Variants in FAT4 observed in about 807,000 individuals in gnomAD.
FAT4 encodes protocadherin Fat 4.
A neutral mutation model predicts 303.9 loss-of-function variants in FAT4; 84 were observed. The ratio of observed to expected loss-of-function variants is 0.28; its 90% CI spans 0.23 to 0.33. FAT4 has a LOEUF of 0.33. Among genes scored for constraint, FAT4 ranks in the 10% least tolerant of loss-of-function variants. The probability of loss-of-function intolerance (pLI) is 1.00; values close to 1 mark genes in which losing one functional copy is unlikely to be tolerated. For missense variants in FAT4, 6,005 were observed against 6,146.8 expected (o/e 0.98, Z 0.77); for synonymous variants, 2,307 against 2,298.8 (o/e 1.00, Z -0.10).
intron 11 of FAT4, among the ~76,000 whole-genome samples, chr4:125,466,616 T>TAGA (rs1560625761): frequency 3.3e-5 from 5 of 149,604 alleles, no homozygotes; most frequent in Non-Finnish European, 7.4e-5. Flanking sequence ...ACAGGATAGA[T>TAGA]ATAAGTATAT....
chr4:125,463,358 A>C (rs1726546799), intron 10 of FAT4, among the ~76,000 whole-genome samples: 1 of 152,080 alleles, frequency 6.6e-6, no homozygotes, highest in Admixed American at 6.6e-5. Flanking sequence ...CCTAAGTATT[A>C]TAATGCACAT....
At chr4:125,465,967 A>G (rs1027648397) in intron 11 of FAT4, among the ~76,000 whole-genome samples, 1 of 152,214 alleles carries the variant, frequency 6.6e-6, no homozygotes, top group Non-Finnish European at 1.5e-5. Context: ...GTCAGATGGC[A>G]TGCCTCAAAT....
Position 125,468,536 on chromosome 4 carries a change from T to C in FAT4, c.11930T>C (p.Leu3977Ser). Residue 3977 changes from leucine (L) to serine (S), a missense_variant, in exon 12 of 18, where the codon TTG becomes TCG. Transcript: ENST00000394329. ...GGTGTCTTTGGAAAACACTGCGAGT[T>C]GAACAGTTATGGATTTGAGGAGTTA... ...PFGVFGKHCE[L>S]NSYGFEELSY... 6.3e-7 allele frequency: 1 copy of C among 1,587,144 alleles called. No individual in the cohort carries two copies. The highest frequency in any genetic ancestry group is 8.6e-7 in the Non-Finnish European group (1 of 1,161,996).
chr4:125,317,551 C>A lies in FAT4; in HGVS notation c.1140C>A (p.Leu380=). 1 of 1,613,938 alleles carries A rather than the reference C, an allele frequency of 6.2e-7. No individual in the cohort carries two copies. Among genetic ancestry groups the A allele is most frequent in the Non-Finnish European group, 8.5e-7 (1 of 1,180,010 alleles). ...AAGTGGGCACCGTGGTGGCTCTGCT[C>A]ACCGTGACGGACGCAGATTCTCCCG... ...NAQVGTVVAL[L]TVTDADSPAA... The change falls in exon 2 of 18, where the codon CTC becomes CTA. Residue 380 remains leucine, a synonymous_variant. Coordinates refer to ENST00000394329, the MANE Select transcript of FAT4 (RefSeq NM_001291303.3). This position sits in a 1 kb window ranked among gnomAD's most constrained non-coding sequence, Gnocchi z 7.0.
intron 2 of FAT4, among the ~76,000 whole-genome samples, chr4:125,372,793 G>T (rs2125992807): frequency 6.6e-6 from 1 of 152,208 alleles, no homozygotes; most frequent in South Asian, 2.1e-4. Context: ...CAGTGAGAAA[G>T]AAAATATGAT....
At chr4:125,390,948 TGCAAA>T (rs1733953212) in intron 2 of FAT4, among the ~76,000 whole-genome samples, 1 of 152,158 alleles carries the variant, frequency 6.6e-6, no homozygotes, top group African/African-American at 2.4e-5. Context: ...ATCAGAGAGA[TGCAAA>T]TCAAAACCAC....
intron 3 of FAT4, among the ~76,000 whole-genome samples, chr4:125,404,058 G>A (rs775008904): frequency 7.2e-5 from 11 of 152,202 alleles, no homozygotes; most frequent in Non-Finnish European, 1.2e-4. Flanking sequence ...TCAAGGTGGC[G>A]TTTAGCAGCT....
chr4:125,414,721 T>A (rs1287145541), intron 5 of FAT4, among the ~76,000 whole-genome samples, 163 bp from the exon 6 acceptor site: 1 of 152,172 alleles, frequency 6.6e-6, no homozygotes, highest in African/African-American at 2.4e-5. Flanking sequence ...AACACCCTAG[T>A]AAATAGCAAG....
At chr4:125,410,729 AAAAAG>A (rs759541760) in intron 5 of FAT4, among the ~76,000 whole-genome samples, 2 of 152,168 alleles carry the variant, frequency 1.3e-5, no homozygotes, top group East Asian at 1.9e-4. Flanking sequence ...AATTAAAAAG[AAAAAG>A]AAAAGAATTT....
intron 2 of FAT4, among the ~76,000 whole-genome samples, chr4:125,380,326 C>A (rs1057145674): frequency 6.6e-6 from 1 of 152,140 alleles, no homozygotes; most frequent in African/African-American, 2.4e-5. Flanking sequence ...AAGGGTAAGT[C>A]ACTTTTGTCA....
In FAT4 at chr4:125,451,893, A is replaced by G; in HGVS notation, c.10883A>G (p.Asn3628Ser). The change falls in exon 10 of 18, where the codon AAC becomes AGC. Residue 3628 changes from asparagine (N) to serine (S), a missense_variant. Asn to Ser is a conservative substitution (Grantham distance 46). Transcript: ENST00000394329. ...GAGATATTTGTTAATTATTATGGTA[A>G]CTTGTTTCCCGGTGGGATTTTAGGC... ...TVEIFVNYYG[N>S]LFPGGILGSV... 1 of 1,614,052 alleles carries G rather than the reference A, an allele frequency of 6.2e-7. No homozygotes were observed. Among genetic ancestry groups the G allele is most frequent in the Non-Finnish European group, 8.5e-7 (1 of 1,179,998 alleles).
chr4:125,483,822 C>T lies in FAT4; in HGVS notation c.12822+2084C>T, dbSNP rs191709447. ...ACCAAAAGAAAGTGGCTGTTGTAAGCAGGCAAATTATTTGGATGATAGGAG... is the reference window on the plus strand; with the variant it reads ...ACCAAAAGAAAGTGGCTGTTGTAAGTAGGCAAATTATTTGGATGATAGGAG... On this transcript the variant is annotated intron_variant, in intron 16 of 17. Transcript: ENST00000394329. Among the ~76,000 whole-genome samples the T allele has an allele frequency of 4.0e-4, 60 of 151,668 alleles. No individual in the cohort carries two copies. In the East Asian group the frequency reaches 0.01, roughly 26 times the overall value.
intron 2 of FAT4, among the ~76,000 whole-genome samples, chr4:125,367,313 A>T (rs1377172034): frequency 6.6e-6 from 1 of 152,138 alleles, no homozygotes; most frequent in Non-Finnish European, 1.5e-5. Context: ...ACATATATTA[A>T]ATCATTTAAT....
In FAT4 at chr4:125,416,594, T is replaced by A; in HGVS notation, c.6990T>A (p.Phe2330Leu). The A allele has an allele frequency of 6.2e-7, 1 of 1,613,902 alleles. No individual in the cohort carries two copies. The change falls in exon 7 of 18, where the codon TTT becomes TTA. Residue 2330 changes from phenylalanine to leucine, a missense_variant. Physicochemically the swap from Phe to Leu is conservative, Grantham distance 22. Transcript: ENST00000394329. ...TGGATCGGGAAACAAAAGAGCGCTT[T>A]GTCTTAATGATTACAGCTACAGATT... ...QSLDRETKER[F>L]VLMITATDSG... is the part of the protein sequence containing the mutation.
At chr4:125,479,990 A>G (rs1727167543) in intron 15 of FAT4, 125 bp downstream of exon 15, 3 of 701,534 alleles carry the variant, frequency 4.3e-6, no homozygotes, top group South Asian at 6.4e-5. Flanking sequence ...TATTAAATGG[A>G]CAATAATTGG....
Position 125,448,839 on chromosome 4 carries a change from T to G in FAT4, c.7829T>G (p.Leu2610Arg), listed in dbSNP as rs1302542405. The G allele has an allele frequency of 6.2e-7, 1 of 1,608,442 alleles. No individual in the cohort carries two copies. Among genetic ancestry groups the G allele is most frequent in the Non-Finnish European group, 8.5e-7 (1 of 1,179,572 alleles). The change falls in exon 10 of 18, where the codon CTT becomes CGT. Residue 2610 changes from leucine to arginine, a missense_variant. By Grantham distance (102) the Leu-to-Arg change is moderately radical (BLOSUM62 -2). Coordinates refer to ENST00000394329, the MANE Select transcript of FAT4 (RefSeq NM_001291303.3). Reference protein sequence around the residue: ...PMSYYIASGNLGNTFQIDQLT... With the variant: ...PMSYYIASGNRGNTFQIDQLT... ...TCATATTATATCGCAAGTGGGAATC[T>G]TGGCAATACTTTCCAGATTGATCAG...
At chr4:125,429,648 T>A (rs1418195527) in intron 7 of FAT4, among the ~76,000 whole-genome samples, 1 of 152,168 alleles carries the variant, frequency 6.6e-6, no homozygotes, top group African/African-American at 2.4e-5. Flanking sequence ...AAAATATGTA[T>A]AGATCTGGTA....
intron 2 of FAT4, among the ~76,000 whole-genome samples, chr4:125,372,344 A>G (rs1216499936): frequency 6.7e-6 from 1 of 150,180 alleles, no homozygotes; most frequent in African/African-American, 2.5e-5. Flanking sequence ...CCTGGATGGC[A>G]TAGAGTGAGA....
chr4:125,319,249 T>G lies in FAT4; in HGVS notation c.2838T>G (p.Asn946Lys), dbSNP rs1234630858. 6.2e-7 allele frequency: 1 copy of G among 1,614,168 alleles called. No homozygotes were observed. Among genetic ancestry groups the G allele is most frequent in the Non-Finnish European group, 8.5e-7 (1 of 1,180,022 alleles). ...ACCTGTTTGCTATCAATGAAAAGAATGGCACTATTAGTCTGCTTGGGCCCC... is the reference window on the plus strand; with the variant it reads ...ACCTGTTTGCTATCAATGAAAAGAAGGGCACTATTAGTCTGCTTGGGCCCC... ...PKNLFAINEK[N>K]GTISLLGPLD... Residue 946 changes from asparagine to lysine, a missense_variant, in exon 2 of 18, where the codon AAT becomes AAG. By Grantham distance (94) the Asn-to-Lys change is moderately conservative. Coordinates refer to ENST00000394329, the MANE Select transcript of FAT4 (RefSeq NM_001291303.3).
Sources: allele counts gnomAD v4.1 joint callset (sites outside exome capture counted in the v4.1 genomes callset), GRCh38; gene constraint gnomAD v4.1.1; non-coding constraint Gnocchi (gnomAD v3.1); transcripts MANE v1.5; gene names NCBI Gene and HGNC (gene_info 2026-07-23, HGNC 2026-07-21).